The following CWF19L2 variants were observed in gnomAD, a reference collection of about 807,000 sequenced individuals.
CWF19L2 encodes CWF19 like cell cycle control factor 2.
CWF19L2 carries 98 observed loss-of-function variants against 111.7 expected under a neutral mutation model. The observed-to-expected ratio is 0.88, with a 90% confidence interval of 0.75 to 1.04. The LOEUF (loss-of-function observed/expected upper bound fraction) is 1.04. CWF19L2 is among the 50% of genes least tolerant of loss of function. The pLI is 0.00. For synonymous variants in CWF19L2, 351 were observed against 342.9 expected (o/e 1.02, Z -0.26); for missense variants, 1,101 against 1,051.4 (o/e 1.05, Z -0.65).
At chr11:107,330,726 C>T (rs1039840545) in intron 16 of CWF19L2, among the ~76,000 whole-genome samples, 2 of 149,582 alleles carry the variant, frequency 1.3e-5, no homozygotes, top group African/African-American at 2.5e-5. Flanking sequence ...GCCACAAATT[C>T]TTGTTTTCTC....
At chr11:107,338,994 T>C (rs1859967679) in intron 14 of CWF19L2, among the ~76,000 whole-genome samples, 1 of 148,430 alleles carries the variant, frequency 6.7e-6, no homozygotes, top group African/African-American at 2.4e-5. Flanking sequence ...TGCCACACTG[T>C]TTTCCACAAT....
intron 10 of CWF19L2, among the ~76,000 whole-genome samples, chr11:107,398,691 G>C (rs1373630024): frequency 6.6e-6 from 1 of 152,178 alleles, no homozygotes; most frequent in African/African-American, 2.4e-5. Context: ...GAATACCTGG[G>C]AAATTCATCA....
At chr11:107,328,948 C>G (rs142569434) in intron 17 of CWF19L2, among the ~76,000 whole-genome samples, 37 of 152,280 alleles carry the variant, frequency 2.4e-4, no homozygotes, top group African/African-American at 8.9e-4. Context: ...AGGACAAGAG[C>G]ATTAAAAAGT....
chr11:107,330,003 G>A lies in CWF19L2; in HGVS notation c.2456C>T (p.Pro819Leu), dbSNP rs755967990. Residue 819 changes from proline to leucine, a missense_variant, in exon 17 of 18, where the codon CCT becomes CTT. Coordinates refer to ENST00000282251, the MANE Select transcript of CWF19L2 (RefSeq NM_152434.3). ...AAGGCCAAAATCCACAGAGAAGTAA[G>A]GTAACCCTCTGGGTACCTAAATAAA... Reference protein sequence around the residue: ...DIRKSVPRGLPYFSVDFGLHG... With the variant: ...DIRKSVPRGLLYFSVDFGLHG... 9.5e-6 allele frequency: 15 copies of A among 1,575,530 alleles called. No individual in the cohort carries two copies. The African/African-American group carries it at 1.9e-4, about 20-fold the overall frequency.
intron 12 of CWF19L2, among the ~76,000 whole-genome samples, chr11:107,386,296 G>A (rs1397404691): frequency 6.6e-6 from 1 of 152,016 alleles, no homozygotes; most frequent in African/African-American, 2.4e-5. Flanking sequence ...TTACAGGTGT[G>A]AGCCGCCACT....
chr11:107,421,297 T>C (rs1425028400), intron 8 of CWF19L2, among the ~76,000 whole-genome samples: 2 of 152,012 alleles, frequency 1.3e-5, no homozygotes, highest in Non-Finnish European at 2.9e-5. Flanking sequence ...TAAATATTTA[T>C]ATTAGAAAAG....
chr11:107,361,213 CT>C (rs1860328710), intron 12 of CWF19L2, among the ~76,000 whole-genome samples: 1 of 152,312 alleles, frequency 6.6e-6, no homozygotes, highest in African/African-American at 2.4e-5. Flanking sequence ...AAAAGAGTAT[CT>C]TTTCCCCGGT....
At chr11:107,424,567 T>C (rs1292086587) in intron 8 of CWF19L2, among the ~76,000 whole-genome samples, 1 of 151,740 alleles carries the variant, frequency 6.6e-6, no homozygotes, top group Non-Finnish European at 1.5e-5. Flanking sequence ...GGATAAAAGT[T>C]TAGATATTCA....
rs1860420754 is a variant in CWF19L2, at chr11:107,365,206, C to T, written c.1873-11470G>A. 1.3e-5 allele frequency among the ~76,000 whole-genome samples: 2 copies of T among 149,060 alleles called. 1 individual carries two copies. The highest frequency in any genetic ancestry group is 1.3e-4 in the Admixed American group (2 of 15,016). ...AATAGCTTACCAATGAAAAAGAGTC[C>T]AGGACCAGATGGATTCACAGCCGAA... On this transcript the variant is annotated intron_variant, in intron 12 of 17. Transcript: ENST00000282251.
At chr11:107,430,020 T>C (rs1055643602) in intron 7 of CWF19L2, among the ~76,000 whole-genome samples, 1 of 151,832 alleles carries the variant, frequency 6.6e-6, no homozygotes, top group East Asian at 1.9e-4. Context: ...TTCTAGAAAA[T>C]CTAATATGCA....
chr11:107,356,769 G>A (rs1190930356), intron 12 of CWF19L2, among the ~76,000 whole-genome samples: 2 of 152,170 alleles, frequency 1.3e-5, no homozygotes, highest in Non-Finnish European at 2.9e-5. Flanking sequence ...CAGGCACAGT[G>A]GCTCATGCCT....
At position 107,360,790 on chromosome 11, in the gene CWF19L2, G is replaced by A. The variant is rs1225877964; in HGVS notation, c.1873-7054C>T. On this transcript the variant is annotated intron_variant, in intron 12 of 17. Coordinates refer to ENST00000282251, the MANE Select transcript of CWF19L2 (RefSeq NM_152434.3). ...GTTGACCATTTGCATATCCTCTTTT[G>A]AAAGATATCTATTCATATCCTTGCC... is the stretch of plus-strand genomic sequence containing the variant. 3.9e-5 allele frequency among the ~76,000 whole-genome samples: 6 copies of A among 152,120 alleles called. 1 individual carries two copies. The South Asian group carries it at 6.2e-4, about 16-fold the overall frequency.
At chr11:107,412,917 T>A (rs181831348) in intron 10 of CWF19L2, among the ~76,000 whole-genome samples, 37 of 152,276 alleles carry the variant, frequency 2.4e-4, no homozygotes, top group African/African-American at 8.4e-4. Flanking sequence ...CATGACATTC[T>A]GGAAAAGGCA....
At chr11:107,393,460 A>C (rs1476686606) in intron 10 of CWF19L2, among the ~76,000 whole-genome samples, 2 of 152,218 alleles carry the variant, frequency 1.3e-5, no homozygotes, top group Non-Finnish European at 2.9e-5. Flanking sequence ...ACAGTACAGA[A>C]TAAGAGTAAA....
intron 10 of CWF19L2, among the ~76,000 whole-genome samples, chr11:107,406,173 A>G (rs1019801149): frequency 6.6e-6 from 1 of 152,208 alleles, no homozygotes; most frequent in African/African-American, 2.4e-5. Flanking sequence ...AAAAGTGTAA[A>G]TGTTTGAAAG....
At chr11:107,440,603 G>A (rs1384742288) in intron 5 of CWF19L2, among the ~76,000 whole-genome samples, 1 of 152,058 alleles carries the variant, frequency 6.6e-6, no homozygotes, top group Non-Finnish European at 1.5e-5. Flanking sequence ...GACAAAAAAG[G>A]CTAGAATTGC....
At chr11:107,455,939 A>AAAT (rs1565293004) in intron 1 of CWF19L2, among the ~76,000 whole-genome samples, 163 bp from the exon 2 acceptor site, 20 of 152,202 alleles carry the variant, frequency 1.3e-4, no homozygotes, top group Middle Eastern at 3.4e-3. Context: ...AAAAAATAAA[A>AAAT]AAATAAATAA....
intron 12 of CWF19L2, among the ~76,000 whole-genome samples, chr11:107,378,691 G>A (rs907653530): frequency 6.6e-5 from 10 of 152,022 alleles, no homozygotes; most frequent in East Asian, 3.9e-4. Context: ...TGGGTGCAGC[G>A]CACCAGCATG....
intron 8 of CWF19L2, among the ~76,000 whole-genome samples, chr11:107,428,409 T>C (rs1332912899): frequency 1.3e-5 from 2 of 152,084 alleles, no homozygotes; most frequent in Non-Finnish European, 2.9e-5. Flanking sequence ...AGACTTCCTA[T>C]AGACATGCAG....
Sources: allele counts gnomAD v4.1 joint callset (sites outside exome capture counted in the v4.1 genomes callset), GRCh38; gene constraint gnomAD v4.1.1; transcripts MANE v1.5; gene names NCBI Gene and HGNC (gene_info 2026-07-23, HGNC 2026-07-21).